Variants in FAAH2 observed in about 807,000 individuals in gnomAD.
The protein encoded by FAAH2 is fatty acid amide hydrolase 2, also known as fatty-acid amide hydrolase 2.
In FAAH2, 60 loss-of-function variants were observed where a neutral mutation model predicts 36.9. That is an observed-to-expected ratio of 1.63 (90% CI 1.32 to 2.02). The LOEUF is 2.02. FAAH2 is among the 30% of genes most tolerant of loss of function. The pLI is 0.00. For synonymous variants in FAAH2, 214 were observed against 143.8 expected (o/e 1.49, Z -3.49); for missense variants, 689 against 397.5 (o/e 1.73, Z -6.23).
chrX:57,203,680 A>T, the FAAH2 span, among the ~76,000 whole-genome samples: 1 of 111,888 alleles, frequency 8.9e-6, no homozygotes, highest in African/African-American at 3.2e-5. Flanking sequence ...AGAGCCTCCA[A>T]GTATTTTTAT....
the FAAH2 span, among the ~76,000 whole-genome samples, chrX:57,214,983 T>C: frequency 2.7e-5 from 3 of 110,006 alleles, no homozygotes; most frequent in Non-Finnish European, 5.7e-5. Context: ...CTAAAGAGCT[T>C]CTGTACAGCA....
the FAAH2 span, among the ~76,000 whole-genome samples, chrX:57,242,162 G>C: frequency 8.9e-6 from 1 of 112,398 alleles, no homozygotes; most frequent in Admixed American, 9.4e-5. Context: ...TCCCGACTGG[G>C]AGACAGCTCC....
chrX:57,331,485 C>T, intron 3 of FAAH2, 113 bp from the exon 4 acceptor site: 2 of 585,915 alleles, frequency 3.4e-6, no homozygotes, highest in Non-Finnish European at 5.4e-6. Flanking sequence ...TGCCCCAACC[C>T]TTTGTGGGAG....
chrX:57,344,101 T>C (rs2053758725), intron 5 of FAAH2, among the ~76,000 whole-genome samples: 1 of 110,917 alleles, frequency 9.0e-6, no homozygotes, highest in African/African-American at 3.3e-5. Flanking sequence ...GTATTATTGG[T>C]TCCATATGAG....
intron 10 of FAAH2, among the ~76,000 whole-genome samples, chrX:57,468,639 G>C (rs866310199): frequency 1.8e-5 from 2 of 112,110 alleles, no homozygotes; most frequent in Middle Eastern, 4.6e-3. Flanking sequence ...ACCTGAAACT[G>C]ACGGGGAGAA....
intron 9 of FAAH2, among the ~76,000 whole-genome samples, chrX:57,447,619 A>T (rs1223352311): frequency 5.3e-5 from 6 of 112,270 alleles, no homozygotes; most frequent in Non-Finnish European, 1.1e-4. Flanking sequence ...CACCACATGG[A>T]AGCCACCAAG....
At chrX:57,238,444 A>G in the FAAH2 span, among the ~76,000 whole-genome samples, 385 of 111,176 alleles carry the variant, frequency 3.5e-3, 2 homozygotes, top group African/African-American at 0.012. Flanking sequence ...GGGCTAAATG[A>G]TGAGAACACA....
chrX:57,352,302 G>T (rs1173469711), intron 5 of FAAH2, among the ~76,000 whole-genome samples: 1 of 104,648 alleles, frequency 9.6e-6, no homozygotes, highest in African/African-American at 3.5e-5. Context: ...ATGTAAAAAT[G>T]GTTCGACATA....
intron 7 of FAAH2, among the ~76,000 whole-genome samples, chrX:57,404,007 G>A (rs1383070299): frequency 8.9e-6 from 1 of 112,599 alleles, no homozygotes; most frequent in Non-Finnish European, 1.9e-5. Context: ...CTCACAATGA[G>A]GTTTCCTCTA....
At chrX:57,202,977 G>C in the FAAH2 span, among the ~76,000 whole-genome samples, 1 of 111,887 alleles carries the variant, frequency 8.9e-6, no homozygotes, top group Non-Finnish European at 1.9e-5. Flanking sequence ...TAAGGTCCAA[G>C]GGCTCTTTAG....
At chrX:57,432,647 G>T (rs916699379) in intron 8 of FAAH2, among the ~76,000 whole-genome samples, 5 of 111,391 alleles carry the variant, frequency 4.5e-5, no homozygotes, top group Non-Finnish European at 9.4e-5. Context: ...GCTTGCTGAA[G>T]ACTTTTAATA....
chrX:57,447,080 G>A (rs2056690589), intron 9 of FAAH2, 41 bp downstream of exon 9: 6 of 975,607 alleles, frequency 6.2e-6, no homozygotes, highest in Non-Finnish European at 8.3e-6. Flanking sequence ...TTGATGTCCT[G>A]TAATATTTCT....
the FAAH2 span, among the ~76,000 whole-genome samples, chrX:57,256,951 A>G: frequency 4.4e-5 from 5 of 112,557 alleles, no homozygotes; most frequent in Admixed American, 4.7e-4. Flanking sequence ...AATGCTCATC[A>G]TCACTGGTCA....
chrX:57,396,645 G>C lies in FAAH2; in HGVS notation c.996+15616G>C, dbSNP rs1019817333. The stretch of plus-strand genomic sequence containing the variant: ...TTCCCATGTATTTGTGTTGTTTTGA[G>C]AGTTCCTCTTCATATCGATTTCTAC... On this transcript the variant is annotated intron_variant, in intron 7 of 10. Coordinates refer to ENST00000374900, the MANE Select transcript of FAAH2 (RefSeq NM_174912.4). 2.7e-5 allele frequency among the ~76,000 whole-genome samples: 3 copies of C among 111,559 alleles called. No homozygotes were observed. In the Admixed American group the frequency reaches 2.9e-4, roughly 11 times the overall value.
chrX:57,424,544 CA>C (rs1207877804), intron 7 of FAAH2, among the ~76,000 whole-genome samples: 1 of 111,753 alleles, frequency 8.9e-6, no homozygotes, highest in Non-Finnish European at 1.9e-5. Flanking sequence ...CCCAGAGACA[CA>C]GGAGAACATA....
At chrX:57,486,955 T>A (rs2057484945) in intron 10 of FAAH2, among the ~76,000 whole-genome samples, 1 of 111,826 alleles carries the variant, frequency 8.9e-6, no homozygotes, top group Non-Finnish European at 1.9e-5. Flanking sequence ...TATTCCGTTA[T>A]CTTGCTGACA....
intron 7 of FAAH2, among the ~76,000 whole-genome samples, chrX:57,424,572 C>G (rs766473652): frequency 5.4e-5 from 6 of 111,758 alleles, no homozygotes; most frequent in Non-Finnish European, 1.1e-4. Flanking sequence ...TTCACATATT[C>G]AGTACACTGC....
At chrX:57,335,551 T>C (rs945861648) in intron 4 of FAAH2, among the ~76,000 whole-genome samples, 2 of 113,378 alleles carry the variant, frequency 1.8e-5, no homozygotes, top group African/African-American at 6.4e-5. Context: ...AAGGCAGTTT[T>C]CCCCTATCTC....
chrX:57,260,251 A>T, the FAAH2 span, among the ~76,000 whole-genome samples: 1 of 111,960 alleles, frequency 8.9e-6, no homozygotes, highest in Non-Finnish European at 1.9e-5. Flanking sequence ...TGAATGAAAC[A>T]GAAAATAGAG....
Sources: allele counts gnomAD v4.1 joint callset (sites outside exome capture counted in the v4.1 genomes callset), GRCh38; gene constraint gnomAD v4.1.1; transcripts MANE v1.5; gene names NCBI Gene and HGNC (gene_info 2026-07-23, HGNC 2026-07-21).